Variants in KCNQ4 observed in about 807,000 individuals in gnomAD.
KCNQ4 encodes potassium voltage-gated channel subfamily Q member 4, also known as potassium voltage-gated channel subfamily KQT member 4.
In KCNQ4, 31 loss-of-function variants were observed where a neutral mutation model predicts 72.6. The observed-to-expected ratio is 0.43, with a 90% confidence interval of 0.32 to 0.58. The LOEUF is 0.58. Among genes scored for constraint, KCNQ4 ranks in the 20% least tolerant of loss-of-function variants. The probability of loss-of-function intolerance (pLI) is 0.08; values close to 1 mark genes in which losing one functional copy is unlikely to be tolerated. For synonymous variants in KCNQ4, 405 were observed against 403.7 expected, an observed-to-expected ratio of 1.00 and a Z score of -0.04; for missense variants, 869 against 962.6, an observed-to-expected ratio of 0.90 and a Z score of 1.29.
chr1:40,801,855 C>T (rs766695863), intron 1 of KCNQ4, among the ~76,000 whole-genome samples: 2 of 152,116 alleles, frequency 1.3e-5, no homozygotes, highest in Non-Finnish European at 2.9e-5. Context: ...CCTAGTTCTT[C>T]CTACTCACTC....
rs778109027 is a variant in KCNQ4 at position 40,818,628 on chromosome 1, G to T, written c.656G>T (p.Arg219Leu). ...ATCCTGCGCATGGTGCGCATGGACC[G>T]CCGCGGCGGCACCTGGAAGCTGCTG... ...LQILRMVRMD[R>L]RGGTWKLLGS... The change falls in exon 4 of 14, where the codon CGC (arginine) becomes CTC (leucine). Residue 219 changes from arginine to leucine, a missense_variant. By Grantham distance (102) the Arg-to-Leu change is moderately radical. Coordinates refer to ENST00000347132, the MANE Select transcript of KCNQ4 (RefSeq NM_004700.4). The T allele has an allele frequency of 1.2e-6, 2 of 1,606,564 alleles. No individual in the cohort carries two copies. The highest frequency in any genetic ancestry group is 1.7e-6 in the Non-Finnish European group (2 of 1,179,480).
At position 40,812,197 on chromosome 1, in the gene KCNQ4, C is replaced by T. The variant is rs140266415; in HGVS notation, c.315-5068C>T. On this transcript the variant is annotated intron_variant, in intron 1 of 13. Transcript: ENST00000347132. ...GTGATCCTGAACAAGTCTATCCCTC[C>T]CTGAGCTCTATTTCCTCAGCTGGAA... 3.4e-4 allele frequency among the ~76,000 whole-genome samples: 52 copies of T among 152,318 alleles called. No homozygotes were observed. The East Asian group carries it at 0.01, about 29-fold the overall frequency.
intron 1 of KCNQ4, among the ~76,000 whole-genome samples, chr1:40,815,582 G>A (rs1314075576): frequency 1.3e-5 from 2 of 152,134 alleles, no homozygotes; most frequent in East Asian, 3.9e-4. Context: ...CCGTGTTTTT[G>A]CTGACTCAGC....
Position 40,788,083 on chromosome 1 carries a change from C to T in KCNQ4, c.314+3676C>T, listed in dbSNP as rs114449902. 6.8e-3 allele frequency among the ~76,000 whole-genome samples: 1,041 copies of T among 152,248 alleles called. 13 individuals carry two copies. Among genetic ancestry groups the T allele is most frequent in the African/African-American group, 0.024 (1,000 of 41,524 alleles). ...GGAGGTGGCAGCAGCTTCTGGGGCC[C>T]GCAGACTCCTAACCCCCGAGCCCCC... On this transcript the variant is annotated intron_variant, in intron 1 of 13. Coordinates refer to ENST00000347132, the MANE Select transcript of KCNQ4 (RefSeq NM_004700.4). The surrounding 1 kb of genome is among the most constrained non-coding windows in gnomAD (Gnocchi z 4.5).
Position 40,790,488 on chromosome 1 carries a change from G to A in KCNQ4, c.314+6081G>A, listed in dbSNP as rs139968582. ...CGAGTGGTTCTCCATGGGAGCTGAGGCTGTGTCTTTTCAGCCTCCTGTGGG... is the reference window on the plus strand; with the variant it reads ...CGAGTGGTTCTCCATGGGAGCTGAGACTGTGTCTTTTCAGCCTCCTGTGGG... On this transcript the variant is annotated intron_variant, in intron 1 of 13. Coordinates refer to ENST00000347132, the MANE Select transcript of KCNQ4 (RefSeq NM_004700.4). 1.7e-3 allele frequency among the ~76,000 whole-genome samples: 259 copies of A among 152,320 alleles called. 6 individuals are homozygous for A. The East Asian group carries it at 0.038, about 23-fold the overall frequency.
chr1:40,807,001 GGGC>G (rs1248480382), intron 1 of KCNQ4, among the ~76,000 whole-genome samples: 10 of 152,224 alleles, frequency 6.6e-5, no homozygotes, highest in Non-Finnish European at 1.0e-4. Flanking sequence ...CGCCACAAAG[GGGC>G]CGGCTGAGAG....
chr1:40,797,094 A>T (rs898048212), intron 1 of KCNQ4, among the ~76,000 whole-genome samples: 5 of 152,160 alleles, frequency 3.3e-5, no homozygotes, highest in Non-Finnish European at 1.5e-5. Context: ...CCTGTGCCAG[A>T]CTCTGGGGAC....
At chr1:40,834,542 C>T (rs1053606370) in intron 11 of KCNQ4, among the ~76,000 whole-genome samples, 5 of 151,062 alleles carry the variant, frequency 3.3e-5, no homozygotes, top group Admixed American at 2.6e-4. Flanking sequence ...TCCAGGAGTT[C>T]GAGACCAGCC....
intron 1 of KCNQ4, among the ~76,000 whole-genome samples, chr1:40,802,917 G>A (rs952642082): frequency 1.4e-4 from 22 of 152,230 alleles, no homozygotes; most frequent in African/African-American, 5.1e-4. Flanking sequence ...AGGCAGAGCA[G>A]AGCTGAATTC....
At chr1:40,829,259 T>C (rs1209724767) in intron 9 of KCNQ4, among the ~76,000 whole-genome samples, 1 of 152,156 alleles carries the variant, frequency 6.6e-6, no homozygotes, top group African/African-American at 2.4e-5. Context: ...GGAGGGTGCT[T>C]GCCAGCATGA....
intron 1 of KCNQ4, among the ~76,000 whole-genome samples, chr1:40,808,770 C>T (rs796504438): frequency 2.6e-5 from 4 of 152,018 alleles, no homozygotes; most frequent in African/African-American, 9.7e-5. Context: ...TGTCTCCCCG[C>T]ATCTTCAACT....
At chr1:40,803,799 C>T (rs778845973) in intron 1 of KCNQ4, among the ~76,000 whole-genome samples, 29 of 152,324 alleles carry the variant, frequency 1.9e-4, no homozygotes, top group Middle Eastern at 6.8e-3. Context: ...AGTTTGCATG[C>T]TGCTTTGCTT....
intron 2 of KCNQ4, 87 bp from the exon 3 acceptor site, chr1:40,818,077 C>A: frequency 6.3e-7 from 1 of 1,580,302 alleles, no homozygotes; most frequent in South Asian, 1.1e-5. Context: ...GTCCCCCTAA[C>A]CCAGGGACTC....
intron 1 of KCNQ4, among the ~76,000 whole-genome samples, chr1:40,809,548 G>A (rs141319185): frequency 9.2e-5 from 14 of 152,240 alleles, no homozygotes; most frequent in African/African-American, 2.9e-4. Flanking sequence ...CCTAGTTCCC[G>A]TTTCCAGTTA....
intron 9 of KCNQ4, among the ~76,000 whole-genome samples, chr1:40,825,867 C>T (rs947736613): frequency 9.9e-5 from 15 of 152,138 alleles, no homozygotes; most frequent in Admixed American, 2.6e-4. Flanking sequence ...ACACTCCCCA[C>T]GGCTCCTTTG....
intron 9 of KCNQ4, among the ~76,000 whole-genome samples, chr1:40,825,558 G>GAGAGGGAGAGTCCCTCCAGGTCTGGGGCT (rs1648450460): frequency 1.3e-5 from 2 of 152,040 alleles, no homozygotes; most frequent in Admixed American, 6.5e-5. Context: ...GAAGTGGGTG[G>GAGAGGGAGAGTCCCTCCAGGTCTGGGGCT]AGAGGGAGAG....
intron 1 of KCNQ4, among the ~76,000 whole-genome samples, chr1:40,816,987 A>T (rs1648104936): frequency 6.6e-6 from 1 of 152,236 alleles, no homozygotes; most frequent in Non-Finnish European, 1.5e-5. Flanking sequence ...TTCCACTGCC[A>T]GACCTGCTAC....
intron 7 of KCNQ4, among the ~76,000 whole-genome samples, chr1:40,821,544 C>T (rs1430340289): frequency 2.6e-5 from 4 of 152,160 alleles, no homozygotes; most frequent in East Asian, 1.9e-4. Flanking sequence ...AGAGGAAGCT[C>T]GGCAAGCCCA....
chr1:40,823,375 G>A (rs770930705), intron 8 of KCNQ4, among the ~76,000 whole-genome samples: 7 of 152,140 alleles, frequency 4.6e-5, no homozygotes, highest in East Asian at 1.9e-4. Context: ...CTGGGCATTC[G>A]AGAGTGGGGC....
Sources: gnomAD v4.1 joint callset for allele counts (sites outside exome capture counted in the v4.1 genomes callset) on GRCh38, gnomAD v4.1.1 for gene constraint, Gnocchi (gnomAD v3.1) non-coding constraint, MANE v1.5 for transcripts, NCBI Gene and HGNC (gene_info 2026-07-23, HGNC 2026-07-21) for gene names.